Variants in UNC13C observed in about 807,000 individuals in gnomAD.
UNC13C encodes unc-13 homolog C, also known as protein unc-13 homolog C.
Under a neutral mutation model 245.4 loss-of-function variants are expected in UNC13C, and 174 were observed. The ratio of observed to expected loss-of-function variants is 0.71; its 90% CI spans 0.63 to 0.80. UNC13C has a LOEUF of 0.80. Ranked by LOEUF, UNC13C falls within the 30% of genes least tolerant of loss-of-function variation. The pLI, the probability that UNC13C is intolerant of heterozygous loss-of-function variation, is 0.00. For missense variants in UNC13C, 2,829 were observed against 2,602.9 expected (o/e 1.09, Z -1.89); for synonymous variants, 992 against 895.1 (o/e 1.11, Z -1.93).
chr15:53,854,127 T>TTTGTTTTTTA, the UNC13C span, among the ~76,000 whole-genome samples: 2 of 147,360 alleles, frequency 1.4e-5, no homozygotes, highest in Admixed American at 6.7e-5. Context: ...TATAGGTTTT[T>TTTGTTTTTTA]TTTTTTTTTT....
intron 19 of UNC13C, among the ~76,000 whole-genome samples, chr15:54,481,097 A>T (rs948974492): frequency 1.3e-5 from 2 of 152,178 alleles, no homozygotes; most frequent in African/African-American, 4.8e-5. Context: ...TGTTCTCTGT[A>T]CCATTCCTTT....
At chr15:54,075,351 G>A (rs2115821) in intron 2 of UNC13C, among the ~76,000 whole-genome samples, 70,930 of 151,216 alleles carry the variant, frequency 0.47, 18,632 homozygotes, top group Non-Finnish European at 0.6. Context: ...CAGGCCTGGC[G>A]GCAGGTGCCT....
intron 4 of UNC13C, among the ~76,000 whole-genome samples, chr15:54,149,594 A>G (rs886478484): frequency 1.3e-5 from 2 of 152,160 alleles, no homozygotes; most frequent in East Asian, 3.9e-4. Flanking sequence ...CTTCTAACCA[A>G]TCTTCCTTTG....
chr15:54,362,250 T>A (rs2039250245), intron 17 of UNC13C, among the ~76,000 whole-genome samples: 2 of 152,224 alleles, frequency 1.3e-5, no homozygotes, highest in East Asian at 3.9e-4. Flanking sequence ...TGGCTTCCCA[T>A]GAAGATTATC....
At chr15:54,116,158 T>G (rs2030230365) in intron 2 of UNC13C, among the ~76,000 whole-genome samples, 1 of 152,156 alleles carries the variant, frequency 6.6e-6, no homozygotes, top group African/African-American at 2.4e-5. Flanking sequence ...ACATAATAGA[T>G]GTACATATTT....
intron 2 of UNC13C, among the ~76,000 whole-genome samples, chr15:54,016,295 G>T (rs549568813): frequency 6.6e-6 from 1 of 152,076 alleles, no homozygotes; most frequent in Non-Finnish European, 1.5e-5. Flanking sequence ...GGAGAAAAAG[G>T]TGTAATCTTA....
At chr15:53,887,448 T>TA in the UNC13C span, among the ~76,000 whole-genome samples, 1 of 152,220 alleles carries the variant, frequency 6.6e-6, no homozygotes, top group Non-Finnish European at 1.5e-5. Flanking sequence ...TAACATTTTT[T>TA]ACTGCTTATC....
At chr15:54,571,152 A>C (rs1897736324) in intron 30 of UNC13C, among the ~76,000 whole-genome samples, 1 of 152,316 alleles carries the variant, frequency 6.6e-6, no homozygotes, top group African/African-American at 2.4e-5. Context: ...ATATTAGTCC[A>C]TTCTCATGCT....
the UNC13C span, chr15:53,972,631 T>G: frequency 6.6e-6 from 1 of 152,132 alleles, no homozygotes; most frequent in Admixed American, 6.6e-5. Context: ...GCCACAAAAT[T>G]TTGAATCCAT....
chr15:54,321,824 T>G, intron 13 of UNC13C, 115 bp from the exon 14 acceptor site: 3 of 1,078,404 alleles, frequency 2.8e-6, no homozygotes, highest in African/African-American at 1.6e-5. Context: ...TTGTGCAGTT[T>G]TCTCTCCTTT....
intron 19 of UNC13C, among the ~76,000 whole-genome samples, chr15:54,483,486 GTTTTC>G (rs374408480): frequency 1.8e-4 from 27 of 152,026 alleles, no homozygotes; most frequent in African/African-American, 5.8e-4. Flanking sequence ...GAATTACGCT[GTTTTC>G]TTTTCTTTTC....
At chr15:54,443,948 A>T (rs1164083109) in intron 19 of UNC13C, among the ~76,000 whole-genome samples, 13 of 150,386 alleles carry the variant, frequency 8.6e-5, no homozygotes, top group Admixed American at 8.0e-4. Flanking sequence ...TTAATTTCAA[A>T]GTGTATTTGT....
intron 20 of UNC13C, among the ~76,000 whole-genome samples, chr15:54,499,608 GA>G (rs1042233353): frequency 6.6e-6 from 1 of 151,956 alleles, no homozygotes. Flanking sequence ...TCAGAATGGA[GA>G]AAAAAATATC....
At chr15:54,609,163 T>C (rs773127766) in intron 30 of UNC13C, among the ~76,000 whole-genome samples, 1 of 152,216 alleles carries the variant, frequency 6.6e-6, no homozygotes, top group Non-Finnish European at 1.5e-5. Flanking sequence ...CATTTCATTT[T>C]TTAATGGCTT....
intron 4 of UNC13C, among the ~76,000 whole-genome samples, chr15:54,226,512 C>T (rs1359330586): frequency 6.6e-6 from 1 of 152,174 alleles, no homozygotes; most frequent in Non-Finnish European, 1.5e-5. Flanking sequence ...CCACCAGGAC[C>T]TTCTGCTTGA....
At chr15:54,534,379 G>A (rs533317203) in intron 26 of UNC13C, among the ~76,000 whole-genome samples, 1 of 152,104 alleles carries the variant, frequency 6.6e-6, no homozygotes, top group Non-Finnish European at 1.5e-5. Flanking sequence ...ATATACCACA[G>A]TCAAATCCTC....
chr15:54,042,214 G>A (rs1896834906), intron 2 of UNC13C, among the ~76,000 whole-genome samples: 3 of 152,084 alleles, frequency 2.0e-5, no homozygotes, highest in Admixed American at 1.3e-4. Flanking sequence ...TCAGGTTTTG[G>A]AGCCCTAGAT....
chr15:54,232,618 A>G (rs2035583834), intron 4 of UNC13C, among the ~76,000 whole-genome samples: 1 of 152,192 alleles, frequency 6.6e-6, no homozygotes, highest in African/African-American at 2.4e-5. Context: ...TTTGCAGTTT[A>G]TAAATCAGTT....
intron 17 of UNC13C, among the ~76,000 whole-genome samples, chr15:54,364,660 A>T (rs2039320667): frequency 6.6e-6 from 1 of 152,206 alleles, no homozygotes; most frequent in Non-Finnish European, 1.5e-5. Flanking sequence ...TCTAAATAAG[A>T]CATCCAAAAC....
Sources: gnomAD v4.1 joint callset for allele counts (sites outside exome capture counted in the v4.1 genomes callset) on GRCh38, gnomAD v4.1.1 for gene constraint, MANE v1.5 for transcripts, NCBI Gene and HGNC (gene_info 2026-07-23, HGNC 2026-07-21) for gene names.